The following AK7 variants were observed in gnomAD, a reference collection of about 807,000 sequenced individuals.
The protein encoded by AK7 is adenylate kinase 7, also known as ATP-AMP transphosphorylase 7.
In AK7, 78 loss-of-function variants were observed where a neutral mutation model predicts 96.6. That is an observed-to-expected ratio of 0.81 (90% CI 0.67 to 0.97). AK7 has a LOEUF of 0.97. Among genes scored for constraint, AK7 ranks in the 50% least tolerant of loss-of-function variants. The probability of loss-of-function intolerance (pLI) is 0.00; values close to 1 mark genes in which losing one functional copy is unlikely to be tolerated. For missense variants in AK7, 855 were observed against 887.9 expected (o/e 0.96, Z 0.47); for synonymous variants, 302 against 317.2 (o/e 0.95, Z 0.51).
rs116854017 is a variant in AK7, at chr14:96,402,806, A to T, written c.295-1951A>T. ...TTTCTGAATATGGCCATATTTGGAG[A>T]TAGGGTGTTTGCAGAGGAAATCCAA... On this transcript the variant is annotated intron_variant, in intron 2 of 17. Coordinates refer to ENST00000267584, the MANE Select transcript of AK7 (RefSeq NM_152327.5). Among the ~76,000 whole-genome samples the T allele has an allele frequency of 4.5e-3, 680 of 150,414 alleles. 1 individual carries two copies. Among genetic ancestry groups the T allele is most frequent in the Non-Finnish European group, 7.2e-3 (487 of 67,834 alleles).
intron 4 of AK7, among the ~76,000 whole-genome samples, chr14:96,419,784 C>CTTTTTTTTTT (rs11449244): frequency 9.8e-6 from 1 of 101,714 alleles, no homozygotes. Flanking sequence ...TTTTTTCTTT[C>CTTTTTTTTTT]TTTTCTTTTT....
intron 3 of AK7, among the ~76,000 whole-genome samples, chr14:96,405,833 G>A (rs1890679853): frequency 6.6e-6 from 1 of 152,328 alleles, no homozygotes; most frequent in East Asian, 1.9e-4. Context: ...TGAATTCTAA[G>A]GACCTCAAGT....
At chr14:96,440,496 C>T (rs996281780) in intron 6 of AK7, among the ~76,000 whole-genome samples, 4 of 152,144 alleles carry the variant, frequency 2.6e-5, no homozygotes, top group East Asian at 3.8e-4. Context: ...CAGTCTCCAG[C>T]GAGGCTCTCT....
chr14:96,429,495 G>A (rs1446674536), intron 5 of AK7, among the ~76,000 whole-genome samples: 3 of 152,126 alleles, frequency 2.0e-5, no homozygotes, highest in African/African-American at 4.8e-5. Context: ...CCAATTCTGT[G>A]AGGAAAGTCA....
At chr14:96,446,028 A>G (rs1202622145) in intron 7 of AK7, among the ~76,000 whole-genome samples, 1 of 152,250 alleles carries the variant, frequency 6.6e-6, no homozygotes, top group Admixed American at 6.5e-5. Flanking sequence ...ATAGGAAAGC[A>G]GGCTCAGGCA....
intron 14 of AK7, among the ~76,000 whole-genome samples, chr14:96,473,464 CT>C (rs71462738): frequency 0.022 from 3,031 of 139,576 alleles, 59 homozygotes; most frequent in African/African-American, 0.061. Context: ...TGCCCAGGCT[CT>C]TTTTTTTTTT....
chr14:96,458,155 G>A lies in AK7; in HGVS notation c.1300G>A (p.Val434Met). 3 of 1,614,082 alleles carry A rather than the reference G, an allele frequency of 1.9e-6. No homozygotes were observed. Among genetic ancestry groups the A allele is most frequent in the South Asian group, 2.2e-5 (2 of 91,078 alleles). Residue 434 changes from valine to methionine, a missense_variant, in exon 12 of 18, where the codon GTG becomes ATG. Transcript: ENST00000267584. Reference sequence around the variant, plus strand: ...CGAAGAGGAAGAGGAGGAGGAGAATGTGGAAGATGCACAGGAGCTCCTAGA... The same window carrying A: ...CGAAGAGGAAGAGGAGGAGGAGAATATGGAAGATGCACAGGAGCTCCTAGA... ...EVEEEEEEEN[V>M]EDAQELLDGI...
At chr14:96,481,035 C>G (rs893700414) in intron 15 of AK7, among the ~76,000 whole-genome samples, 3 of 152,196 alleles carry the variant, frequency 2.0e-5, no homozygotes, top group Admixed American at 1.3e-4. Context: ...TACTCTCCCC[C>G]TCTGTGGCCT....
intron 5 of AK7, among the ~76,000 whole-genome samples, chr14:96,429,232 T>C (rs942938598): frequency 6.6e-6 from 1 of 152,232 alleles, no homozygotes; most frequent in Non-Finnish European, 1.5e-5. Context: ...CTTTCCCCTT[T>C]TCTTGTTTTT....
intron 4 of AK7, among the ~76,000 whole-genome samples, chr14:96,418,270 GC>G (rs895163208): frequency 9.5e-5 from 13 of 136,604 alleles, no homozygotes; most frequent in Admixed American, 4.2e-4. Context: ...GCTGCAGTGC[GC>G]TGTGATTGTG....
In AK7 at chr14:96,451,509, C is replaced by T; in HGVS notation, c.1037C>T (p.Thr346Ile). Reference protein sequence around the residue: ...ENFNIRWAAQTGFVENINTIL... With the variant: ...ENFNIRWAAQIGFVENINTIL... ...TTTAATATTCGATGGGCTGCCCAAA[C>T]AGGATTTGTGGAAAATATCAACACT... is the stretch of plus-strand genomic sequence containing the variant. Residue 346 changes from threonine to isoleucine, a missense_variant, in exon 10 of 18, where the codon ACA (threonine) becomes ATA (isoleucine). By Grantham distance (89) the Thr-to-Ile change is moderately conservative. Coordinates refer to ENST00000267584, the MANE Select transcript of AK7 (RefSeq NM_152327.5). 1 of 1,601,662 alleles carries T rather than the reference C, an allele frequency of 6.2e-7. No homozygotes were observed. Among genetic ancestry groups the T allele is most frequent in the Admixed American group, 1.7e-5 (1 of 58,438 alleles).
rs1183842534 is a variant in AK7 at position 96,487,010 on chromosome 14, T to G, written c.2087T>G (p.Leu696Arg). The G allele has an allele frequency of 3.1e-6, 5 of 1,614,052 alleles. No homozygotes were observed. In the African/African-American group the frequency reaches 6.7e-5, roughly 22 times the overall value. Residue 696 changes from leucine (L) to arginine (R), a missense_variant, in exon 17 of 18, where the codon CTG (leucine) becomes CGG (arginine). Transcript: ENST00000267584. ...TYVMPTLIQG[L>R]NECCNVRPED... ...GTGATGCCAACTCTTATTCAGGGCC[T>G]GAATGAATGTTGCAACGTCCGACCC... is the stretch of plus-strand genomic sequence containing the variant.
intron 5 of AK7, among the ~76,000 whole-genome samples, chr14:96,430,062 C>T (rs1428253520): frequency 6.6e-6 from 1 of 152,062 alleles, no homozygotes; most frequent in African/African-American, 2.4e-5. Context: ...GGAATGCTTC[C>T]AGTTTTTGCC....
At chr14:96,455,829 G>A (rs1000283532) in intron 10 of AK7, among the ~76,000 whole-genome samples, 25 of 152,192 alleles carry the variant, frequency 1.6e-4, no homozygotes, top group Non-Finnish European at 3.2e-4. Context: ...GGCGGCAGAC[G>A]CTTTCGGGAT....
intron 3 of AK7, among the ~76,000 whole-genome samples, chr14:96,405,685 G>A (rs961652014): frequency 6.6e-6 from 1 of 152,140 alleles, no homozygotes; most frequent in Non-Finnish European, 1.5e-5. Context: ...GTGTATAAGA[G>A]CCACGTGACT....
intron 4 of AK7, among the ~76,000 whole-genome samples, chr14:96,418,223 G>GAGTCT (rs1229456526): frequency 2.0e-5 from 3 of 149,754 alleles, no homozygotes; most frequent in Admixed American, 1.3e-4. Flanking sequence ...AACTACTCAG[G>GAGTCT]AGTCTAGGTG....
intron 1 of AK7, among the ~76,000 whole-genome samples, chr14:96,392,791 T>A (rs890871059): frequency 1.3e-5 from 2 of 151,788 alleles, no homozygotes; most frequent in African/African-American, 4.8e-5. Flanking sequence ...AGCCTCCGAG[T>A]AGCTGGGACT....
Position 96,488,352 on chromosome 14 carries a change from A to C in AK7, c.*9A>C, listed in dbSNP as rs746494570. On this transcript the variant is annotated 3_prime_UTR_variant, in exon 18 of 18. Coordinates refer to ENST00000267584, the MANE Select transcript of AK7 (RefSeq NM_152327.5). ...ATCCTGAAGCACAGTGAAACTTGAAAGATCTGGTATTATCTACCTTTACAG... is the reference window on the plus strand; with the variant it reads ...ATCCTGAAGCACAGTGAAACTTGAACGATCTGGTATTATCTACCTTTACAG... The C allele has an allele frequency of 1.2e-6, 2 of 1,610,838 alleles. No individual in the cohort carries two copies. Among genetic ancestry groups the C allele is most frequent in the East Asian group, 4.5e-5 (2 of 44,786 alleles).
intron 3 of AK7, among the ~76,000 whole-genome samples, chr14:96,407,813 C>G (rs1174928516): frequency 3.3e-5 from 5 of 151,976 alleles, no homozygotes; most frequent in Non-Finnish European, 7.4e-5. Context: ...GATCTCCTGA[C>G]CTCGTGATCC....
Sources: allele counts gnomAD v4.1 joint callset (sites outside exome capture counted in the v4.1 genomes callset), GRCh38; gene constraint gnomAD v4.1.1; transcripts MANE v1.5; gene names NCBI Gene and HGNC (gene_info 2026-07-23, HGNC 2026-07-21).